WLS: variants seen among roughly 807,000 people sequenced by gnomAD.
WLS encodes the protein protein wntless homolog.
WLS carries 23 observed loss-of-function variants against 62.8 expected under a neutral mutation model. The observed-to-expected ratio is 0.37, with a 90% CI of 0.26 to 0.52. The LOEUF is 0.52. Among genes scored for constraint, WLS ranks in the 20% least tolerant of loss-of-function variants. The probability of loss-of-function intolerance (pLI) is 0.92; values close to 1 mark genes in which losing one functional copy is unlikely to be tolerated. For synonymous variants in WLS, 246 were observed against 244.1 expected (o/e 1.01, Z -0.07); for missense variants, 615 against 697.3 (o/e 0.88, Z 1.33).
At chr1:68,114,925 A>T (rs2100339488) in intron 11 of WLS, among the ~76,000 whole-genome samples, 1 of 152,216 alleles carries the variant, frequency 6.6e-6, no homozygotes, top group South Asian at 2.1e-4. Flanking sequence ...CTGGGAGGGG[A>T]CACCTGGTTT....
intron 11 of WLS, among the ~76,000 whole-genome samples, chr1:68,116,556 G>A (rs543459010): frequency 3.9e-5 from 6 of 152,260 alleles, no homozygotes; most frequent in African/African-American, 1.4e-4. Context: ...GCCAACAATT[G>A]TGCCTACCTC....
intron 11 of WLS, among the ~76,000 whole-genome samples, chr1:68,127,429 T>C (rs906469178): frequency 6.6e-6 from 1 of 152,192 alleles, no homozygotes; most frequent in Admixed American, 6.5e-5. Context: ...TCTGCTAAAA[T>C]GGAATAATTT....
intron 11 of WLS, among the ~76,000 whole-genome samples, chr1:68,136,906 A>C (rs1269886600): frequency 1.3e-5 from 2 of 152,244 alleles, no homozygotes; most frequent in African/African-American, 4.8e-5. Flanking sequence ...AGTGAAAGGC[A>C]CTAGAGCACT....
intron 10 of WLS, among the ~76,000 whole-genome samples, chr1:68,143,644 T>G (rs1031381181): frequency 1.3e-5 from 2 of 152,204 alleles, no homozygotes; most frequent in African/African-American, 4.8e-5. Flanking sequence ...AGCAATAGGT[T>G]ACACCATATG....
intron 3 of WLS, among the ~76,000 whole-genome samples, chr1:68,158,590 T>TAA (rs78536788): frequency 1.4e-5 from 2 of 140,032 alleles, no homozygotes; most frequent in East Asian, 4.1e-4. Flanking sequence ...GCTGATGAGC[T>TAA]AAAAAAAAAA....
At chr1:68,141,226 T>C (rs776003918) in intron 10 of WLS, among the ~76,000 whole-genome samples, 8 of 152,156 alleles carry the variant, frequency 5.3e-5, no homozygotes, top group Non-Finnish European at 8.8e-5. Flanking sequence ...ACATTTCCTC[T>C]GTAAGTAACA....
chr1:68,211,375 TTTTTCTTA>T (rs1649509886), intron 1 of WLS, among the ~76,000 whole-genome samples: 2 of 122,122 alleles, frequency 1.6e-5, no homozygotes, highest in East Asian at 7.0e-4. Context: ...AAACAACAGG[TTTTTCTTA>T]AAAAACAACA....
At chr1:68,150,006 T>G (rs1646804609) in intron 6 of WLS, among the ~76,000 whole-genome samples, 182 bp downstream of exon 6, 1 of 152,200 alleles carries the variant, frequency 6.6e-6, no homozygotes, top group Non-Finnish European at 1.5e-5. Context: ...GCCACTCAGC[T>G]GGTCAGCAGG....
At chr1:68,148,718 A>G (rs966658250) in intron 6 of WLS, 58 bp from the exon 7 acceptor site, 9 of 1,528,660 alleles carry the variant, frequency 5.9e-6, no homozygotes, top group Non-Finnish European at 8.1e-6. Flanking sequence ...AAGCAATTCT[A>G]TGGGGGAGTC....
chr1:68,101,812 T>C (rs1212413095), intron 11 of WLS, among the ~76,000 whole-genome samples: 2 of 152,214 alleles, frequency 1.3e-5, no homozygotes, highest in Non-Finnish European at 2.9e-5. Flanking sequence ...ACACTTTCTC[T>C]TCCTTTAACA....
chr1:68,177,586 T>A (rs984927871), intron 2 of WLS, among the ~76,000 whole-genome samples: 12 of 152,128 alleles, frequency 7.9e-5, no homozygotes, highest in African/African-American at 2.9e-4. Context: ...CGCAACCTTC[T>A]GGGCCCAAGC....
At chr1:68,173,573 A>G (rs1431626258) in intron 2 of WLS, among the ~76,000 whole-genome samples, 2 of 152,200 alleles carry the variant, frequency 1.3e-5, no homozygotes, top group African/African-American at 4.8e-5. Context: ...AACTTCCAAA[A>G]CAAACAGTGC....
intron 2 of WLS, among the ~76,000 whole-genome samples, chr1:68,166,045 T>A (rs906298859): frequency 2.0e-5 from 3 of 152,192 alleles, no homozygotes; most frequent in Admixed American, 2.0e-4. Flanking sequence ...AAGGAAAAAC[T>A]ATTTTAAAAT....
intron 2 of WLS, among the ~76,000 whole-genome samples, chr1:68,191,515 G>A (rs1202928525): frequency 1.3e-5 from 2 of 152,114 alleles, no homozygotes; most frequent in Non-Finnish European, 2.9e-5. Flanking sequence ...CACATAACAT[G>A]TTTTTTCTTA....
At position 68,125,971 on chromosome 1, in the gene WLS, TAAC is replaced by T. The variant is rs751946764; in HGVS notation, c.*252_*254del. 1.7e-4 allele frequency: 213 copies of T among 1,279,410 alleles called. No homozygotes were observed. The highest frequency in any genetic ancestry group is 2.0e-4 in the Non-Finnish European group (197 of 1,009,336). 79.3% of individuals were successfully genotyped at this position (1,279,410 alleles called of 1,614,324 possible). A position where few individuals can be genotyped will look rare whatever the true frequency, so the allele number is the denominator to read the frequency against. On this transcript the variant is annotated 3_prime_UTR_variant, in exon 12 of 12. Transcript: ENST00000262348. ...CTACAGATGTTACTATGTCACTAAT[TAAC>T]AATGATCACAGAAAATGTGTCATAC...
intron 11 of WLS, chr1:68,127,148 T>C (rs1405172029): frequency 2.1e-5 from 8 of 373,588 alleles, no homozygotes; most frequent in Non-Finnish European, 4.3e-5. Flanking sequence ...TGAGCTATGA[T>C]TGCACCACTC....
chr1:68,187,516 A>G (rs1648035289), intron 2 of WLS, among the ~76,000 whole-genome samples: 1 of 152,196 alleles, frequency 6.6e-6, no homozygotes, highest in African/African-American at 2.4e-5. Flanking sequence ...AAATGTTTTA[A>G]AGCTTTGCCA....
At chr1:68,168,727 T>A (rs1402013041) in intron 2 of WLS, among the ~76,000 whole-genome samples, 1 of 152,198 alleles carries the variant, frequency 6.6e-6, no homozygotes, top group Non-Finnish European at 1.5e-5. Flanking sequence ...TCACCAGAGT[T>A]TGTTTGGGTA....
intron 1 of WLS, among the ~76,000 whole-genome samples, chr1:68,210,297 G>A (rs1002268980): frequency 4.6e-5 from 7 of 152,056 alleles, no homozygotes; most frequent in African/African-American, 1.4e-4. Flanking sequence ...CCAGACCAGG[G>A]GTATTTTAAC....
Sources: gnomAD v4.1 joint callset for allele counts (sites outside exome capture counted in the v4.1 genomes callset) on GRCh38, gnomAD v4.1.1 for gene constraint, MANE v1.5 for transcripts, NCBI Gene and HGNC (gene_info 2026-07-23, HGNC 2026-07-21) for gene names.